The following SPATA16 variants were observed in gnomAD, a reference collection of about 807,000 sequenced individuals.
SPATA16 encodes the protein spermatogenesis-associated protein 16.
Under a neutral mutation model 63.3 loss-of-function variants are expected in SPATA16, and 36 were observed. The ratio of observed to expected loss-of-function variants is 0.57; its 90% CI spans 0.44 to 0.75. The LOEUF (loss-of-function observed/expected upper bound fraction) is 0.75. Ranked by LOEUF, SPATA16 falls within the 30% of genes least tolerant of loss-of-function variation. The pLI, the probability that SPATA16 is intolerant of heterozygous loss-of-function variation, is 0.00. For synonymous variants in SPATA16, 203 were observed against 216.7 expected (o/e 0.94, Z 0.56); for missense variants, 646 against 679.3 (o/e 0.95, Z 0.54).
chr3:173,062,044 A>ATT (rs10618031), intron 2 of SPATA16, among the ~76,000 whole-genome samples: 70 of 115,512 alleles, frequency 6.1e-4, no homozygotes, highest in Non-Finnish European at 9.4e-4. Context: ...GTGCTTCAAC[A>ATT]TTTTTTTTTT....
At chr3:172,981,551 A>G (rs1208532865) in intron 4 of SPATA16, among the ~76,000 whole-genome samples, 1 of 151,778 alleles carries the variant, frequency 6.6e-6, no homozygotes, top group Non-Finnish European at 1.5e-5. Context: ...TTTGCACATG[A>G]CAGTCCTTCT....
At chr3:173,085,993 C>CTTTCTTTTTT (rs1553801348) in intron 2 of SPATA16, among the ~76,000 whole-genome samples, 1 of 147,478 alleles carries the variant, frequency 6.8e-6, no homozygotes, top group African/African-American at 2.5e-5. Context: ...TTCTTTCTTT[C>CTTTCTTTTTT]TTTTGTTTTT....
chr3:173,138,149 T>C (rs1738602281), intron 1 of SPATA16, among the ~76,000 whole-genome samples: 1 of 152,148 alleles, frequency 6.6e-6, no homozygotes, highest in African/African-American at 2.4e-5. Flanking sequence ...TCGGTGATCG[T>C]TCAAGACAGC....
intron 8 of SPATA16, among the ~76,000 whole-genome samples, chr3:172,923,735 C>T (rs1732665633): frequency 6.6e-6 from 1 of 152,136 alleles, no homozygotes; most frequent in Non-Finnish European, 1.5e-5. Flanking sequence ...TACCTTATGG[C>T]TATATAAAGA....
chr3:173,026,528 G>T (rs966849277), intron 3 of SPATA16, among the ~76,000 whole-genome samples: 2 of 151,830 alleles, frequency 1.3e-5, no homozygotes, highest in African/African-American at 2.4e-5. Flanking sequence ...AGGTGACAAA[G>T]AATTTCTTTC....
intron 4 of SPATA16, among the ~76,000 whole-genome samples, chr3:173,016,614 C>T (rs923376863): frequency 6.6e-6 from 1 of 152,188 alleles, no homozygotes; most frequent in African/African-American, 2.4e-5. Flanking sequence ...TAGCATGCTA[C>T]AGGAAATAAC....
intron 3 of SPATA16, among the ~76,000 whole-genome samples, chr3:173,035,756 C>T (rs188998811): frequency 6.6e-5 from 10 of 152,110 alleles, no homozygotes; most frequent in Non-Finnish European, 1.3e-4. Flanking sequence ...GGTTCCTTGA[C>T]ATTTTCAGGG....
intron 6 of SPATA16, among the ~76,000 whole-genome samples, chr3:172,956,313 A>AC: frequency 6.6e-6 from 1 of 152,172 alleles, no homozygotes; most frequent in South Asian, 2.1e-4. Context: ...AATAGTAGGG[A>AC]CTGGAAAAAA....
At chr3:172,943,863 TAATA>T (rs1478263940) in intron 6 of SPATA16, among the ~76,000 whole-genome samples, 2 of 152,134 alleles carry the variant, frequency 1.3e-5, no homozygotes, top group Non-Finnish European at 2.9e-5. Flanking sequence ...AATAAATCAA[TAATA>T]AAACTATTCA....
Position 173,032,574 on chromosome 3 carries a change from G to A in SPATA16, c.759-12999C>T, listed in dbSNP as rs115037248. Among the ~76,000 whole-genome samples the A allele has an allele frequency of 2.1e-3, 327 of 152,158 alleles. 1 individual carries two copies. Among genetic ancestry groups the A allele is most frequent in the African/African-American group, 7.5e-3 (311 of 41,524 alleles). ...AAATAAGAACTTTTAGAAGGGAGTC[G>A]CCTAGGGCTTCAAGCCTTCCATGTT... On this transcript the variant is annotated intron_variant, in intron 3 of 10. Transcript: ENST00000351008.
intron 2 of SPATA16, among the ~76,000 whole-genome samples, chr3:173,064,320 C>CAAAAAAAAAAAAA (rs59773490): frequency 1.2e-4 from 7 of 57,630 alleles, no homozygotes; most frequent in East Asian, 5.2e-4. Flanking sequence ...ACACGCACAC[C>CAAAAAAAAAAAAA]AAAAAAAAAA....
chr3:172,968,240 A>AT (rs1733964621), intron 5 of SPATA16, among the ~76,000 whole-genome samples: 2 of 152,218 alleles, frequency 1.3e-5, no homozygotes, highest in Non-Finnish European at 1.5e-5. Flanking sequence ...ACTGGCAAGG[A>AT]TTAGTGCCCT....
intron 2 of SPATA16, among the ~76,000 whole-genome samples, chr3:173,103,920 T>G (rs1259816537): frequency 6.6e-6 from 1 of 152,210 alleles, no homozygotes; most frequent in Non-Finnish European, 1.5e-5. Flanking sequence ...GAGTGCAACT[T>G]TAAGTCATTT....
chr3:173,130,413 TA>T (rs1432155026), intron 1 of SPATA16, among the ~76,000 whole-genome samples: 2 of 144,220 alleles, frequency 1.4e-5, no homozygotes, highest in East Asian at 2.1e-4. Context: ...ACATCTCATA[TA>T]ATACAGCTTT....
chr3:173,140,670 A>G lies in SPATA16; in HGVS notation c.-19+433T>C, dbSNP rs190680971. On this transcript the variant is annotated intron_variant, in intron 1 of 10. Coordinates refer to ENST00000351008, the MANE Select transcript of SPATA16 (RefSeq NM_031955.6). ...AACAACCCGTATCACAAATGATAAA[A>G]TGTGAACTCTGAATTAGCAGTCATC... Among the ~76,000 whole-genome samples, 559 of 152,324 alleles carry G rather than the reference A, an allele frequency of 3.7e-3. 5 individuals carry two copies. The highest frequency in any genetic ancestry group is 0.013 in the African/African-American group (523 of 41,578).
chr3:173,078,032 G>C (rs1280866861), intron 2 of SPATA16, among the ~76,000 whole-genome samples: 2 of 152,148 alleles, frequency 1.3e-5, no homozygotes, highest in African/African-American at 4.8e-5. Context: ...ATATTTTATA[G>C]TAATGACAAT....
intron 6 of SPATA16, among the ~76,000 whole-genome samples, chr3:172,927,167 G>A (rs1396629804): frequency 1.3e-5 from 2 of 152,098 alleles, no homozygotes; most frequent in Non-Finnish European, 2.9e-5. Context: ...AAGTAGGGAT[G>A]TTCTGTTTGA....
intron 8 of SPATA16, 81 bp from the exon 9 acceptor site, chr3:172,916,562 G>T: frequency 7.0e-7 from 1 of 1,425,488 alleles, no homozygotes; most frequent in African/African-American, 1.4e-5. Context: ...CAGGGCTTGT[G>T]ATAACGTATT....
intron 2 of SPATA16, among the ~76,000 whole-genome samples, chr3:173,070,355 A>G (rs1736640430): frequency 6.6e-6 from 1 of 151,512 alleles, no homozygotes; most frequent in Non-Finnish European, 1.5e-5. Context: ...AGAGCATGTC[A>G]ATGCATTCCA....
Sources: allele counts gnomAD v4.1 joint callset (sites outside exome capture counted in the v4.1 genomes callset), GRCh38; gene constraint gnomAD v4.1.1; transcripts MANE v1.5; gene names NCBI Gene and HGNC (gene_info 2026-07-23, HGNC 2026-07-21).